ALAD: variants seen among roughly 807,000 people sequenced by gnomAD.
ALAD encodes the protein delta-aminolevulinic acid dehydratase.
A neutral mutation model predicts 44.4 loss-of-function variants in ALAD; 20 were observed. The observed-to-expected ratio is 0.45, with a 90% confidence interval of 0.32 to 0.65. The LOEUF (loss-of-function observed/expected upper bound fraction) is 0.65. ALAD is among the 30% of genes least tolerant of loss of function. The pLI is 0.05. For missense variants in ALAD, 323 were observed against 445.7 expected (o/e 0.72, Z 2.48); for synonymous variants, 156 against 167.9 (o/e 0.93, Z 0.55).
At chr9:113,390,311 C>A (rs1052873966) in intron 7 of ALAD, 94 bp downstream of exon 7, 1 of 1,345,076 alleles carries the variant, frequency 7.4e-7, no homozygotes, top group Admixed American at 1.8e-5. Context: ...TGTGAGCCAA[C>A]ACGCCCGGCA....
At chr9:113,388,937 C>T (rs775185719) in intron 11 of ALAD, 40 bp downstream of exon 11, 1 of 1,613,596 alleles carries the variant, frequency 6.2e-7, no homozygotes, top group Non-Finnish European at 8.5e-7. Flanking sequence ...TTATCAGTCC[C>T]TGTGGCGCAG....
At position 113,393,590 on chromosome 9, in the gene ALAD, T is replaced by C. The variant is rs1047941673; in HGVS notation, c.-31A>G. 2 of 1,593,296 alleles carry C rather than the reference T, an allele frequency of 1.3e-6. No individual in the cohort carries two copies. The highest frequency in any genetic ancestry group is 8.6e-7 in the Non-Finnish European group (1 of 1,162,620). On this transcript the variant is annotated 5_prime_UTR_variant, in exon 2 of 12. Transcript: ENST00000409155. ...GGGCCAGTGGGCACAGGGGCATCAG[T>C]TGGTTGGAACCGAGGGCTCCTGGGG...
rs780968225 is a variant in ALAD at position 113,389,099 on chromosome 9, T to A, written c.809A>T (p.Asp270Val). Residue 270 changes from aspartate to valine, a missense_variant, in exon 11 of 12, where the codon GAC (aspartate) becomes GTC (valine). Physicochemically the swap from Asp to Val is radical, Grantham distance 152. Coordinates refer to ENST00000409155, the MANE Select transcript of ALAD (RefSeq NM_000031.6). ...IVREVKDKHP[D>V]LPLAVYHVSG... ...GACGTGGTACACGGCGAGAGGGAGG[T>A]CAGGGTGCTGCAGGGAAGCAGACAG... The A allele has an allele frequency of 9.3e-6, 15 of 1,613,148 alleles. No individual in the cohort carries two copies. In the South Asian group the frequency reaches 1.6e-4, roughly 18 times the overall value.
At chr9:113,400,334 G>C (rs2119017550) in intron 1 of ALAD, among the ~76,000 whole-genome samples, 1 of 152,270 alleles carries the variant, frequency 6.6e-6, no homozygotes, top group East Asian at 1.9e-4. Context: ...CAGCAGGTTG[G>C]GCTTGTGGAG....
chr9:113,388,261 G>C lies in ALAD; in HGVS notation c.*39C>G, dbSNP rs758531402. ...TTCACTTGTCTGAGGCCCCGGGAAC[G>C]TTTTAAAGTTCTAGTTCTTGGGCCT... On this transcript the variant is annotated 3_prime_UTR_variant, in exon 12 of 12. Transcript: ENST00000409155. 2 of 1,607,842 alleles carry C rather than the reference G, an allele frequency of 1.2e-6. No individual in the cohort carries two copies.
chr9:113,388,027 AC>A lies in ALAD; in HGVS notation c.*272del. ...CAGGTTGCTTTCAAGCTGAAGCCAC[AC>A]CAGAGGAAAGAGCTGAGGGTGGCAA... On this transcript the variant is annotated 3_prime_UTR_variant, in exon 12 of 12. Coordinates refer to ENST00000409155, the MANE Select transcript of ALAD (RefSeq NM_000031.6). 2.0e-6 allele frequency: 1 copy of A among 496,242 alleles called. No individual in the cohort carries two copies. The allele number at this position is 496,242 out of a possible 1,614,324, so 30.7% of individuals were successfully genotyped here.
chr9:113,397,806 G>C (rs1045378612), intron 1 of ALAD, among the ~76,000 whole-genome samples: 1 of 151,838 alleles, frequency 6.6e-6, no homozygotes, highest in African/African-American at 2.4e-5. Flanking sequence ...TGTATTTTTA[G>C]TAGAGACAGG....
intron 1 of ALAD, among the ~76,000 whole-genome samples, chr9:113,395,842 G>A (rs1474209253): frequency 2.6e-5 from 4 of 152,182 alleles, no homozygotes; most frequent in African/African-American, 9.7e-5. Context: ...TGGATCACTT[G>A]AGGTCTGGAG....
Position 113,388,204 on chromosome 9 carries a change from G to C in ALAD, c.*96C>G. On this transcript the variant is annotated 3_prime_UTR_variant, in exon 12 of 12. Coordinates refer to ENST00000409155, the MANE Select transcript of ALAD (RefSeq NM_000031.6). ...ATGTGAGCAGGAAGAGGGCATGAGGGCACAGTTCTAAAAGCAGCATTTACT... is the reference window on the plus strand; with the variant it reads ...ATGTGAGCAGGAAGAGGGCATGAGGCCACAGTTCTAAAAGCAGCATTTACT... 1.5e-6 allele frequency: 2 copies of C among 1,323,408 alleles called. No homozygotes were observed. Among genetic ancestry groups the C allele is most frequent in the East Asian group, 2.3e-5 (1 of 43,366 alleles). The allele number at this position is 1,323,408 out of a possible 1,614,324, so 82.0% of individuals were successfully genotyped here.
In ALAD at chr9:113,399,739, G is replaced by A. The variant is rs148881918; in HGVS notation, c.-76+1473C>T. 1.8e-4 allele frequency among the ~76,000 whole-genome samples: 28 copies of A among 152,246 alleles called. No homozygotes were observed. The East Asian group carries it at 5.2e-3, about 28-fold the overall frequency. On this transcript the variant is annotated intron_variant, in intron 1 of 11. Transcript: ENST00000409155. Reference sequence around the variant, plus strand: ...CATGTGCCACCCCCCACCCCTGCAAGTTGTACTATGCTGAGGATTCCAGAG... The same window carrying A: ...CATGTGCCACCCCCCACCCCTGCAAATTGTACTATGCTGAGGATTCCAGAG...
chr9:113,388,867 T>C (rs1043640560), intron 11 of ALAD, 110 bp downstream of exon 11: 5 of 1,523,812 alleles, frequency 3.3e-6, no homozygotes, highest in Non-Finnish European at 4.5e-6. Context: ...AGATCACTAG[T>C]AATTCCCGGA....
chr9:113,389,471 G>A lies in ALAD; in HGVS notation c.768C>T (p.Pro256=), dbSNP rs2118983964. The change falls in exon 10 of 12, where the codon CCC becomes CCT. Residue 256 remains proline (P), a synonymous_variant. Coordinates refer to ENST00000409155, the MANE Select transcript of ALAD (RefSeq NM_000031.6). ...ADMLMVKPGM[P]YLDIVREVKD... ...TTACCTCCCGCACGATGTCCAGGTA[G>A]GGCATTCCCGGCTTCACCATGAGCA... 1.2e-6 allele frequency: 2 copies of A among 1,613,970 alleles called. No homozygotes were observed.
chr9:113,391,752 G>T, intron 3 of ALAD, 129 bp from the exon 4 acceptor site: 2 of 758,800 alleles, frequency 2.6e-6, no homozygotes, highest in Non-Finnish European at 2.3e-6. Flanking sequence ...CAAGCCCCCA[G>T]GACAGAAGGG....
At position 113,387,823 on chromosome 9, in the gene ALAD, A is replaced by C; in HGVS notation, c.*477T>G. The stretch of plus-strand genomic sequence containing the variant: ...CCTCGTGGGAAATGCCTTCCAGTGG[A>C]ATTGCGGCAAATTTCAACTCTAACC... On this transcript the variant is annotated 3_prime_UTR_variant, in exon 12 of 12. Transcript: ENST00000409155. The C allele has an allele frequency of 4.7e-6, 1 of 212,058 alleles. No individual in the cohort carries two copies. Among genetic ancestry groups the C allele is most frequent in the Non-Finnish European group, 9.7e-6 (1 of 102,668 alleles). 13.1% of individuals were successfully genotyped at this position (212,058 alleles called of 1,614,324 possible).
At chr9:113,395,171 A>C (rs771894620) in intron 1 of ALAD, among the ~76,000 whole-genome samples, 25 of 152,210 alleles carry the variant, frequency 1.6e-4, no homozygotes, top group Non-Finnish European at 2.9e-4. Context: ...ACAGACAGAC[A>C]CATACACTGT....
In ALAD at chr9:113,388,202, G is replaced by A. The variant is rs1008984735; in HGVS notation, c.*98C>T. ...GCATGTGAGCAGGAAGAGGGCATGAGGGCACAGTTCTAAAAGCAGCATTTA... is the reference window on the plus strand; with the variant it reads ...GCATGTGAGCAGGAAGAGGGCATGAAGGCACAGTTCTAAAAGCAGCATTTA... On this transcript the variant is annotated 3_prime_UTR_variant, in exon 12 of 12. Coordinates refer to ENST00000409155, the MANE Select transcript of ALAD (RefSeq NM_000031.6). 119 of 1,312,716 alleles carry A rather than the reference G, an allele frequency of 9.1e-5. No homozygotes were observed. Among genetic ancestry groups the A allele is most frequent in the Non-Finnish European group, 1.2e-4 (112 of 907,310 alleles). 81.3% of individuals were successfully genotyped at this position (1,312,716 alleles called of 1,614,324 possible).
chr9:113,392,815 C>CTTTTTTTTTTT (rs34148636), intron 2 of ALAD, among the ~76,000 whole-genome samples: 1 of 113,088 alleles, frequency 8.8e-6, no homozygotes, highest in African/African-American at 3.5e-5. Context: ...ATTGCCATCT[C>CTTTTTTTTTTT]TTTTTTTTTT....
At chr9:113,388,949 T>C in intron 11 of ALAD, 28 bp downstream of exon 11, 2 of 1,605,408 alleles carry the variant, frequency 1.2e-6, no homozygotes, top group Non-Finnish European at 1.7e-6. Context: ...GTGGCGCAGG[T>C]CAAAACACCC....
chr9:113,392,327 G>A lies in ALAD; in HGVS notation c.114-158C>T, dbSNP rs748841303. The A allele has an allele frequency of 2.1e-5, 33 of 1,541,684 alleles. No homozygotes were observed. In the South Asian group the frequency reaches 3.7e-4, roughly 17 times the overall value. On this transcript the variant is annotated intron_variant, in intron 2 of 11. Coordinates refer to ENST00000409155, the MANE Select transcript of ALAD (RefSeq NM_000031.6). ...GTGTCTGGCTTCCCTGCCTGGCCAA[G>A]CCCAGGGCCTGAAATAATAATAGGA...
Sources: allele counts gnomAD v4.1 joint callset (sites outside exome capture counted in the v4.1 genomes callset), GRCh38; gene constraint gnomAD v4.1.1; transcripts MANE v1.5; gene names NCBI Gene and HGNC (gene_info 2026-07-23, HGNC 2026-07-21).